The following TVP23A variants were observed in gnomAD, a reference collection of about 807,000 sequenced individuals.
TVP23A encodes the protein trans-golgi network vesicle protein 23 homolog A.
Under a neutral mutation model 31.7 loss-of-function variants are expected in TVP23A, and 21 were observed. The ratio of observed to expected loss-of-function variants is 0.66; its 90% CI spans 0.47 to 0.95. The LOEUF (loss-of-function observed/expected upper bound fraction) is 0.95, where lower values mean the gene tolerates loss of function less well. Among genes scored for constraint, TVP23A ranks in the 40% least tolerant of loss-of-function variants. TVP23A has a pLI of 0.00. For missense variants in TVP23A, 279 were observed against 255.6 expected, an observed-to-expected ratio of 1.09 and a Z score of -0.62; for synonymous variants, 104 against 96.0, an observed-to-expected ratio of 1.08 and a Z score of -0.49.
chr16:10,796,838 G>T (rs1179310710), intron 2 of TVP23A, among the ~76,000 whole-genome samples: 4 of 152,178 alleles, frequency 2.6e-5, no homozygotes, highest in African/African-American at 7.2e-5. Context: ...ATAAAGTTAT[G>T]AGACAATCAA....
chr16:10,757,936 C>G, downstream of TVP23A: 1 of 1,614,098 alleles, frequency 6.2e-7, no homozygotes, highest in Non-Finnish European at 8.5e-7. The surrounding 1 kb of genome is among the most constrained non-coding windows in gnomAD (Gnocchi z 4.1). Context: ...ATTGTGGACA[C>G]CCCACCTGGG....
chr16:10,761,495 C>T, exon 9 of TVP23A: 1 of 1,594,680 alleles, frequency 6.3e-7, no homozygotes, highest in Non-Finnish European at 8.6e-7. Context: ...GTGGGGCTGC[C>T]AGGCGAGCAA....
At position 10,818,134 on chromosome 16, in the gene TVP23A, C is replaced by G; in HGVS notation, c.58G>C (p.Glu20Gln). The G allele has an allele frequency of 1.9e-6, 3 of 1,609,406 alleles. No homozygotes were observed. Among genetic ancestry groups the G allele is most frequent in the Non-Finnish European group, 2.5e-6 (3 of 1,178,060 alleles). Residue 20 changes from glutamate (E) to glutamine (Q), a missense_variant, in exon 2 of 8, where the codon GAG (glutamate) becomes CAG (glutamine). Transcript: ENST00000299866. The surrounding 1 kb of genome is among the most constrained non-coding windows in gnomAD (Gnocchi z 4.7). ...EDVSLDFGNE[E>Q]ELAFRKAKIR... ...TTGGCTTTCCTAAAGGCCAGCTCCT[C>G]CTCGTTTCCAAAGTCCAGGGACACA...
chr16:10,786,963 T>A (rs963679484), intron 2 of TVP23A, among the ~76,000 whole-genome samples: 2 of 151,242 alleles, frequency 1.3e-5, no homozygotes, highest in African/African-American at 2.4e-5. Flanking sequence ...GACCTAAAAA[T>A]CCCCCATTGA....
In TVP23A at chr16:10,767,987, GC is replaced by G. The variant is rs2031151656; in HGVS notation, c.*1114del. The G allele has an allele frequency of 1.9e-6, 3 of 1,613,720 alleles. No individual in the cohort carries two copies. Among genetic ancestry groups the G allele is most frequent in the Non-Finnish European group, 2.5e-6 (3 of 1,179,976 alleles). On this transcript the variant is annotated 3_prime_UTR_variant, in exon 8 of 8. Coordinates refer to ENST00000299866, the MANE Select transcript of TVP23A (RefSeq NM_001079512.4). The surrounding 1 kb of genome is among the most constrained non-coding windows in gnomAD (Gnocchi z 4.6). The stretch of plus-strand genomic sequence containing the variant: ...CAAAGGCCAGTCTTTTTTCATTGAC[GC>G]CCCAGATTCCCCAGCCACGTTAGCC...
At chr16:10,802,101 T>TAC (rs146939902) in intron 2 of TVP23A, among the ~76,000 whole-genome samples, 15,721 of 147,870 alleles carry the variant, frequency 0.11, 1,991 homozygotes, top group African/African-American at 0.31. Context: ...CAAATACACA[T>TAC]ACACACACAC....
rs2031097399 is a variant in TVP23A, at chr16:10,767,634, A to C, written c.*1468T>G. 1 of 428,778 alleles carries C rather than the reference A, an allele frequency of 2.3e-6. No homozygotes were observed. Among genetic ancestry groups the C allele is most frequent in the Non-Finnish European group, 4.1e-6 (1 of 243,288 alleles). The allele number at this position is 428,778 out of a possible 1,614,324, so 26.6% of individuals were successfully genotyped here. A position where few individuals can be genotyped will look rare whatever the true frequency, so the allele number is the denominator to read the frequency against. The stretch of plus-strand genomic sequence containing the variant: ...AACCATGTGCATTCATGATCCTTTC[A>C]CTCAAAAGCTAATCTCTTAAAATGC... On this transcript the variant is annotated 3_prime_UTR_variant, in exon 8 of 8. Transcript: ENST00000299866. This position sits in a 1 kb window ranked among gnomAD's most constrained non-coding sequence, Gnocchi z 4.6.
At chr16:10,811,611 C>A (rs2034202643) in intron 2 of TVP23A, among the ~76,000 whole-genome samples, 1 of 152,060 alleles carries the variant, frequency 6.6e-6, no homozygotes, top group Non-Finnish European at 1.5e-5. Context: ...CACACACACA[C>A]ATACACTGAC....
chr16:10,773,319 C>T lies in TVP23A; in HGVS notation c.447G>A (p.Lys149=), dbSNP rs1200611058. The T allele has an allele frequency of 1.2e-6, 2 of 1,606,454 alleles. No individual in the cohort carries two copies. The highest frequency in any genetic ancestry group is 2.3e-5 in the South Asian group (2 of 88,510). Residue 149 remains lysine, a synonymous_variant, in exon 5 of 8, where the codon AAG becomes AAA. Coordinates refer to ENST00000299866, the MANE Select transcript of TVP23A (RefSeq NM_001079512.4). The part of the protein sequence containing the change: ...FFSTLFSLKL[K]WLALVVAGIS... ...AGTCAAGATCTGGCCTTACCAGCCACTTTAGCTTCAAGGAAAATAAGGTGC... is the reference window on the plus strand; with the variant it reads ...AGTCAAGATCTGGCCTTACCAGCCATTTTAGCTTCAAGGAAAATAAGGTGC...
chr16:10,778,661 T>TAAA lies in TVP23A; in HGVS notation c.90-3568_90-3566dup, dbSNP rs532972083. Among the ~76,000 whole-genome samples, 13 of 138,190 alleles carry TAAA rather than the reference T, an allele frequency of 9.4e-5. No homozygotes were observed. In the East Asian group the frequency reaches 2.0e-3, roughly 22 times the overall value. The allele number at this position is 138,190 out of a possible 152,430, so 90.7% of individuals were successfully genotyped here. ...TCCTCTTTGTAGAACAATACAAATGTAAAAAAAAAAAAAAAGATAGAGGGT... is the reference window on the plus strand; with the variant it reads ...TCCTCTTTGTAGAACAATACAAATGTAAAAAAAAAAAAAAAAAAGATAGAGGGT... On this transcript the variant is annotated intron_variant, in intron 2 of 7. Transcript: ENST00000299866.
intron 2 of TVP23A, among the ~76,000 whole-genome samples, chr16:10,803,714 C>T (rs2033816784): frequency 6.6e-6 from 1 of 151,986 alleles, no homozygotes; most frequent in Non-Finnish European, 1.5e-5. Flanking sequence ...ACATTTTAAC[C>T]AACACAAGGA....
chr16:10,761,076 A>G (rs1329638108), downstream of TVP23A: 5 of 302,722 alleles, frequency 1.7e-5, no homozygotes, highest in East Asian at 4.0e-4. Flanking sequence ...TTACAAAACC[A>G]TCAGATCTCG....
intron 6 of TVP23A, among the ~76,000 whole-genome samples, chr16:10,771,431 AG>A (rs1169193062): frequency 1.3e-5 from 2 of 152,046 alleles, no homozygotes. Flanking sequence ...ACTGTGCCAG[AG>A]GCTGAGGTGG....
intron 6 of TVP23A, 50 bp downstream of exon 6, chr16:10,771,619 CT>C: frequency 1.2e-6 from 2 of 1,603,816 alleles, no homozygotes; most frequent in Non-Finnish European, 1.7e-6. Context: ...GCCACCTTGA[CT>C]TTGACTACCT....
At chr16:10,766,485 G>A (rs1302594914), downstream of TVP23A, among the ~76,000 whole-genome samples, 7 of 152,172 alleles carry the variant, frequency 4.6e-5, no homozygotes, top group Non-Finnish European at 1.0e-4. The surrounding 1 kb of genome is among the most constrained non-coding windows in gnomAD (Gnocchi z 4.8). Flanking sequence ...AGACCTGGGT[G>A]AAAGTCAGGG....
At chr16:10,795,161 A>G (rs1596542962) in intron 2 of TVP23A, among the ~76,000 whole-genome samples, 1 of 152,280 alleles carries the variant, frequency 6.6e-6, no homozygotes, top group East Asian at 1.9e-4. Context: ...CAACATGGTG[A>G]AAGCTAACTG....
In TVP23A at chr16:10,790,441, T is replaced by A. The variant is rs556048028; in HGVS notation, c.90-15345A>T. ...CTGGGACTACAGGCGCCCGCCACCA[T>A]GCCTGGCTAATATTTTGCATTTTTT... On this transcript the variant is annotated intron_variant, in intron 2 of 7. Transcript: ENST00000299866. Among the ~76,000 whole-genome samples the A allele has an allele frequency of 8.5e-5, 13 of 152,148 alleles. No individual in the cohort carries two copies. In the East Asian group the frequency reaches 2.1e-3, roughly 25 times the overall value.
downstream of TVP23A, among the ~76,000 whole-genome samples, chr16:10,763,062 G>T (rs2030249944): frequency 6.6e-6 from 1 of 152,110 alleles, no homozygotes; most frequent in Non-Finnish European, 1.5e-5. Flanking sequence ...CGGCATCTGA[G>T]GGTCAAGGTT....
At chr16:10,765,412 T>C (rs1198419857), downstream of TVP23A, among the ~76,000 whole-genome samples, 1 of 151,332 alleles carries the variant, frequency 6.6e-6, no homozygotes, top group African/African-American at 2.4e-5. The surrounding 1 kb of genome is among the most constrained non-coding windows in gnomAD (Gnocchi z 4.0). Context: ...GAGGCTGAGT[T>C]AGCAGGATCA....
Sources: allele counts gnomAD v4.1 joint callset (sites outside exome capture counted in the v4.1 genomes callset), GRCh38; gene constraint gnomAD v4.1.1; non-coding constraint Gnocchi (gnomAD v3.1); transcripts MANE v1.5; gene names NCBI Gene and HGNC (gene_info 2026-07-23, HGNC 2026-07-21).